ZNF84: variants seen among roughly 807,000 people sequenced by gnomAD.
ZNF84 encodes zinc finger protein 84, also known as zinc finger protein HPF2.
Under a neutral mutation model 14.8 loss-of-function variants are expected in ZNF84, and 12 were observed. That is an observed-to-expected ratio of 0.81 (90% CI 0.52 to 1.31). The LOEUF (loss-of-function observed/expected upper bound fraction) is 1.31. Ranked by LOEUF, ZNF84 falls within the 50% of genes most tolerant of loss-of-function variation. ZNF84 has a pLI of 0.00. For missense variants in ZNF84, 859 were observed against 878.6 expected (o/e 0.98, Z 0.28); for synonymous variants, 347 against 291.1 (o/e 1.19, Z -1.96).
intron 2 of ZNF84, chr12:133,047,643 C>T (rs1173421567): frequency 2.0e-5 from 4 of 198,010 alleles, no homozygotes; most frequent in South Asian, 1.9e-4. Context: ...TAGACACCTT[C>T]GTCTTTCTTT....
Position 133,057,404 on chromosome 12 carries a change from T to C in ZNF84, c.689T>C (p.Ile230Thr). ...PSLIKHQSRH[I>T]RDIAFGCGNC... ...CTCATTAAACATCAGAGCAGACATA[T>C]AAGAGACATAGCCTTTGGCTGTGGT... Residue 230 changes from isoleucine to threonine, a missense_variant, in exon 5 of 5, where the codon ATA becomes ACA. By Grantham distance (89) the Ile-to-Thr change is moderately conservative. Coordinates refer to ENST00000539354, the MANE Select transcript of ZNF84 (RefSeq NM_001289971.2). 2.0e-5 allele frequency: 32 copies of C among 1,614,136 alleles called. No individual in the cohort carries two copies. The highest frequency in any genetic ancestry group is 1.6e-4 in the Middle Eastern group (1 of 6,062).
At chr12:133,047,840 A>G (rs1954008298) in intron 2 of ZNF84, 115 bp from the exon 3 acceptor site, 12 of 1,143,418 alleles carry the variant, frequency 1.0e-5, no homozygotes, top group Non-Finnish European at 1.4e-5. Flanking sequence ...AGGTAGAGAC[A>G]TAGTAGGCAT....
chr12:133,055,454 G>A (rs1954138449), intron 4 of ZNF84, among the ~76,000 whole-genome samples: 4 of 151,978 alleles, frequency 2.6e-5, no homozygotes, highest in African/African-American at 9.7e-5. Context: ...CAGTAGAAGA[G>A]GTAATATTTC....
At chr12:133,042,239 G>A (rs1052839496) in intron 2 of ZNF84, among the ~76,000 whole-genome samples, 7 of 152,156 alleles carry the variant, frequency 4.6e-5, no homozygotes, top group Admixed American at 2.0e-4. Context: ...CTAGTAATTC[G>A]GATATACCAA....
intron 1 of ZNF84, among the ~76,000 whole-genome samples, chr12:133,039,584 GTTAAAT>G (rs1331698198): frequency 6.6e-6 from 1 of 152,186 alleles, no homozygotes. Flanking sequence ...TTGTGCATGA[GTTAAAT>G]TTAAAATGCT....
rs1173723104 is a variant in ZNF84, at chr12:133,061,213, T to G, written c.*2281T>G. ...TGGGCACAGTGGCTCATGCCTGTAA[T>G]CCCAGCACTTTGGGAGGCTGAGGAC... On this transcript the variant is annotated 3_prime_UTR_variant, in exon 5 of 5. Coordinates refer to ENST00000539354, the MANE Select transcript of ZNF84 (RefSeq NM_001289971.2). The G allele has an allele frequency of 6.6e-6, 1 of 152,222 alleles. No individual in the cohort carries two copies. The highest frequency in any genetic ancestry group is 1.5e-5 in the Non-Finnish European group (1 of 68,064). 9.4% of individuals were successfully genotyped at this position (152,222 alleles called of 1,614,324 possible).
rs1461524751 is a variant in ZNF84, at chr12:133,041,578, C to G, written c.15+96C>G. ...AGAAAAGTTTAAATAGTTAAGAAAT[C>G]AGAGGAAAATAGCCTCAGATGATCA... On this transcript the variant is annotated intron_variant, in intron 2 of 4. Coordinates refer to ENST00000539354, the MANE Select transcript of ZNF84 (RefSeq NM_001289971.2). 1.3e-5 allele frequency: 17 copies of G among 1,314,028 alleles called. No individual in the cohort carries two copies. In the East Asian group the frequency reaches 3.4e-4, roughly 27 times the overall value. The allele number at this position is 1,314,028 out of a possible 1,614,324, so 81.4% of individuals were successfully genotyped here. A position where few individuals can be genotyped will look rare whatever the true frequency, so the allele number is the denominator to read the frequency against.
chr12:133,039,004 T>G (rs1953838745), intron 1 of ZNF84: 1 of 152,214 alleles, frequency 6.6e-6, no homozygotes, highest in Non-Finnish European at 1.5e-5. Flanking sequence ...CTAAGAATGG[T>G]TACCTGTGGT....
At chr12:133,043,199 A>G (rs1953915788) in intron 2 of ZNF84, among the ~76,000 whole-genome samples, 1 of 151,382 alleles carries the variant, frequency 6.6e-6, no homozygotes, top group Non-Finnish European at 1.5e-5. Flanking sequence ...TTTTTTTGAG[A>G]TGGAGTCTCA....
At chr12:133,044,164 A>T (rs1953937570) in intron 2 of ZNF84, among the ~76,000 whole-genome samples, 1 of 151,896 alleles carries the variant, frequency 6.6e-6, no homozygotes, top group Non-Finnish European at 1.5e-5. Flanking sequence ...TTGTTTTAAG[A>T]GACATGGTCT....
At chr12:133,040,413 C>CA (rs1314981270) in intron 1 of ZNF84, 1 of 151,288 alleles carries the variant, frequency 6.6e-6, no homozygotes, top group African/African-American at 2.4e-5. Flanking sequence ...AAAAAAAATA[C>CA]AAAAACAGTT....
intron 2 of ZNF84, among the ~76,000 whole-genome samples, chr12:133,044,317 A>ATTTTTTTTTT (rs11326247): frequency 7.1e-6 from 1 of 140,230 alleles, no homozygotes; most frequent in Non-Finnish European, 1.5e-5. Flanking sequence ...GCTAGTTTAA[A>ATTTTTTTTTT]TTTTTTTTTT....
intron 1 of ZNF84, among the ~76,000 whole-genome samples, chr12:133,038,136 T>C (rs1283392402): frequency 1.3e-5 from 2 of 152,238 alleles, no homozygotes; most frequent in Admixed American, 1.3e-4. Context: ...TCTTAGGGTT[T>C]CCATTATTTT....
intron 4 of ZNF84, among the ~76,000 whole-genome samples, chr12:133,055,839 C>T (rs1440044411): frequency 6.6e-6 from 1 of 152,122 alleles, no homozygotes; most frequent in Non-Finnish European, 1.5e-5. Context: ...TGGCTCACAC[C>T]TGTAACCCAG....
Position 133,058,204 on chromosome 12 carries a change from A to G in ZNF84, c.1489A>G (p.Ser497Gly), listed in dbSNP as rs1350687123. The change falls in exon 5 of 5, where the codon AGT becomes GGT. Residue 497 changes from serine (S) to glycine (G), a missense_variant. Coordinates refer to ENST00000539354, the MANE Select transcript of ZNF84 (RefSeq NM_001289971.2). Reference protein sequence around the residue: ...YECSECGKAFSEKLSLTNHQR... With the variant: ...YECSECGKAFGEKLSLTNHQR... ...ATGCAGTGAGTGTGGGAAAGCTTTCAGTGAAAAATTAAGTCTCACTAATCA... is the reference window on the plus strand; with the variant it reads ...ATGCAGTGAGTGTGGGAAAGCTTTCGGTGAAAAATTAAGTCTCACTAATCA... 3 of 1,612,996 alleles carry G rather than the reference A, an allele frequency of 1.9e-6. No homozygotes were observed. The highest frequency in any genetic ancestry group is 2.5e-6 in the Non-Finnish European group (3 of 1,179,750).
rs1017211519 is a variant in ZNF84 at position 133,060,146 on chromosome 12, T to C, written c.*1214T>C. ...ATATATATATGTATCTTAAGTGATA[T>C]GTAACCCAAATGTCACTATTTTAAT... On this transcript the variant is annotated 3_prime_UTR_variant, in exon 5 of 5. Coordinates refer to ENST00000539354, the MANE Select transcript of ZNF84 (RefSeq NM_001289971.2). 1 of 152,324 alleles carries C rather than the reference T, an allele frequency of 6.6e-6. No homozygotes were observed. The highest frequency in any genetic ancestry group is 1.9e-4 in the East Asian group (1 of 5,188). 9.4% of individuals were successfully genotyped at this position (152,324 alleles called of 1,614,324 possible).
At chr12:133,055,331 C>T (rs1302454156) in intron 4 of ZNF84, among the ~76,000 whole-genome samples, 3 of 151,918 alleles carry the variant, frequency 2.0e-5, no homozygotes, top group African/African-American at 7.3e-5. Flanking sequence ...TACTTATATC[C>T]ACATAACAAA....
At position 133,057,331 on chromosome 12, in the gene ZNF84, C is replaced by T. The variant is rs1013869422; in HGVS notation, c.616C>T (p.Leu206Phe). 1.1e-5 allele frequency: 17 copies of T among 1,613,382 alleles called. No homozygotes were observed. In the African/African-American group the frequency reaches 2.3e-4, roughly 22 times the overall value. Residue 206 changes from leucine (L) to phenylalanine (F), a missense_variant, in exon 5 of 5, where the codon CTC (leucine) becomes TTC (phenylalanine). Physicochemically the swap from Leu to Phe is conservative, Grantham distance 22. Transcript: ENST00000539354. ...TCATAGAAATCGTTTAGGGGAGAAA[C>T]TCTATGAATGCAGTGAATGTAGGAA... ...IYHRNRLGEK[L>F]YECSECRKRF...
chr12:133,057,439 A>T lies in ZNF84; in HGVS notation c.724A>T (p.Lys242Ter). Residue 242 changes from lysine to a stop codon, truncating the protein, a stop_gained, in exon 5 of 5, where the codon AAA becomes TAA. Coordinates refer to ENST00000539354, the MANE Select transcript of ZNF84 (RefSeq NM_001289971.2). LOFTEE classifies it low-confidence loss of function (END_TRUNC). Reference sequence around the variant, plus strand: ...AGCCTTTGGCTGTGGTAATTGTGGCAAAACCTTTCCCCAGAAGTCTCAGTT... The same window carrying T: ...AGCCTTTGGCTGTGGTAATTGTGGCTAAACCTTTCCCCAGAAGTCTCAGTT... ...DIAFGCGNCGKTFPQKSQFIT... is the reference protein window; with the variant it reads ...DIAFGCGNCG The T allele has an allele frequency of 6.2e-7, 1 of 1,614,220 alleles. No individual in the cohort carries two copies. The highest frequency in any genetic ancestry group is 8.5e-7 in the Non-Finnish European group (1 of 1,180,030).
Sources: gnomAD v4.1 joint callset for allele counts (sites outside exome capture counted in the v4.1 genomes callset) on GRCh38, gnomAD v4.1.1 for gene constraint, MANE v1.5 for transcripts, NCBI Gene and HGNC (gene_info 2026-07-23, HGNC 2026-07-21) for gene names.